PLCB1: variants seen among roughly 807,000 people sequenced by gnomAD.
PLCB1 encodes phospholipase C beta 1.
PLCB1 carries 46 observed loss-of-function variants against 161.8 expected under a neutral mutation model. That is an observed-to-expected ratio of 0.28 (90% CI 0.22 to 0.36). PLCB1 has a LOEUF of 0.36. Among genes scored for constraint, PLCB1 ranks in the 10% least tolerant of loss-of-function variants. The probability of loss-of-function intolerance (pLI) is 1.00; values close to 1 mark genes in which losing one functional copy is unlikely to be tolerated. For synonymous variants in PLCB1, 517 were observed against 503.7 expected (o/e 1.03, Z -0.35); for missense variants, 1,016 against 1,472.5 (o/e 0.69, Z 5.07).
intron 2 of PLCB1, among the ~76,000 whole-genome samples, chr20:8,270,537 A>G (rs1371295816): frequency 2.0e-5 from 3 of 152,162 alleles, no homozygotes; most frequent in African/African-American, 7.2e-5. Context: ...TATATGTTAC[A>G]GCATCTTCAG....
chr20:8,441,727 T>G (rs933536947), intron 3 of PLCB1, among the ~76,000 whole-genome samples: 1 of 152,126 alleles, frequency 6.6e-6, no homozygotes, highest in African/African-American at 2.4e-5. Context: ...AAAATTCCTA[T>G]GGGCAGATAG....
At chr20:8,864,687 A>G (rs1224172156) in intron 31 of PLCB1, among the ~76,000 whole-genome samples, 2 of 152,204 alleles carry the variant, frequency 1.3e-5, no homozygotes, top group Non-Finnish European at 2.9e-5. Context: ...ATGATTTGGA[A>G]TTAGGATGGC....
At chr20:8,414,036 T>C (rs1374908348) in intron 3 of PLCB1, among the ~76,000 whole-genome samples, 1 of 152,156 alleles carries the variant, frequency 6.6e-6, no homozygotes, top group Admixed American at 6.5e-5. Flanking sequence ...ACAAGTATTA[T>C]ATTTCTAAGG....
chr20:8,289,413 G>A (rs1983280561), intron 2 of PLCB1, among the ~76,000 whole-genome samples: 1 of 152,062 alleles, frequency 6.6e-6, no homozygotes, highest in South Asian at 2.1e-4. Context: ...GATGCTGCTG[G>A]TCTCCAGACC....
intron 3 of PLCB1, among the ~76,000 whole-genome samples, chr20:8,382,384 G>T (rs1187053571): frequency 6.9e-6 from 1 of 145,326 alleles, no homozygotes; most frequent in Non-Finnish European, 1.5e-5. Context: ...CCGGGTTCAC[G>T]CCATTCTCCT....
intron 3 of PLCB1, among the ~76,000 whole-genome samples, chr20:8,613,593 T>C (rs977708279): frequency 6.6e-6 from 1 of 152,234 alleles, no homozygotes; most frequent in Non-Finnish European, 1.5e-5. Flanking sequence ...AGTCCTCATG[T>C]ATAGATTGAA....
chr20:8,732,787 ATAAT>A (rs1318791355), intron 18 of PLCB1, among the ~76,000 whole-genome samples: 4 of 78,156 alleles, frequency 5.1e-5, no homozygotes, highest in Non-Finnish European at 1.3e-4. Flanking sequence ...AATAATATAA[ATAAT>A]ATATCTAATA....
At chr20:8,498,264 A>AT (rs1408840807) in intron 3 of PLCB1, among the ~76,000 whole-genome samples, 2 of 151,002 alleles carry the variant, frequency 1.3e-5, no homozygotes, top group African/African-American at 2.4e-5. Flanking sequence ...CGCCCGGGTA[A>AT]TTTTTTGTAT....
At chr20:8,308,719 T>C (rs1984251261) in intron 2 of PLCB1, among the ~76,000 whole-genome samples, 1 of 151,364 alleles carries the variant, frequency 6.6e-6, no homozygotes, top group African/African-American at 2.4e-5. Flanking sequence ...CAGAGATCAC[T>C]AGTAAGTGGA....
intron 2 of PLCB1, among the ~76,000 whole-genome samples, chr20:8,260,710 C>A (rs1035792282): frequency 4.6e-5 from 7 of 152,128 alleles, no homozygotes; most frequent in Non-Finnish European, 1.0e-4. Flanking sequence ...ATAGCATGCC[C>A]ATCCAAAGAG....
rs961136352 is a variant in PLCB1, at chr20:8,361,620, A to T, written c.178-9762A>T. 1.9e-4 allele frequency among the ~76,000 whole-genome samples: 29 copies of T among 152,206 alleles called. 1 individual carries two copies. Among genetic ancestry groups the T allele is most frequent in the Admixed American group, 1.9e-3 (29 of 15,278 alleles). On this transcript the variant is annotated intron_variant, in intron 2 of 31. Transcript: ENST00000338037. ...ACCACTGGTGTGGAGAAATGAAGGC[A>T]TTTAAGTCCTATAAGCAGATAAGTG...
chr20:8,345,697 T>A (rs1304609899), intron 2 of PLCB1, among the ~76,000 whole-genome samples: 1 of 152,064 alleles, frequency 6.6e-6, no homozygotes, highest in Non-Finnish European at 1.5e-5. Context: ...AAGGGCAAGG[T>A]GGAGGCAATG....
chr20:8,217,019 C>T (rs1979171745), intron 2 of PLCB1, among the ~76,000 whole-genome samples: 1 of 152,128 alleles, frequency 6.6e-6, no homozygotes, highest in Non-Finnish European at 1.5e-5. Context: ...CTTTGTCACT[C>T]ACCTTCTCTA....
chr20:8,758,428 A>G (rs965978541), intron 24 of PLCB1, among the ~76,000 whole-genome samples: 3 of 151,932 alleles, frequency 2.0e-5, no homozygotes, highest in Non-Finnish European at 4.4e-5. Flanking sequence ...CTAAAAATAC[A>G]TAAGTTAGCC....
chr20:8,287,207 C>A (rs1183299131), intron 2 of PLCB1, among the ~76,000 whole-genome samples: 1 of 151,896 alleles, frequency 6.6e-6, no homozygotes, highest in Admixed American at 6.6e-5. Context: ...TATAAGTAAA[C>A]TTAGTCCATA....
intron 3 of PLCB1, among the ~76,000 whole-genome samples, chr20:8,548,185 GCTTT>G (rs1471513543): frequency 7.1e-6 from 1 of 140,648 alleles, no homozygotes; most frequent in African/African-American, 2.7e-5. Context: ...CTCACCATTA[GCTTT>G]CTTTCTTCCC....
chr20:8,331,846 A>C (rs1466165142), intron 2 of PLCB1, among the ~76,000 whole-genome samples: 1 of 152,208 alleles, frequency 6.6e-6, no homozygotes, highest in Non-Finnish European at 1.5e-5. Context: ...CATATGGCTT[A>C]ATATCACTTC....
chr20:8,863,296 A>G (rs1398684021), intron 31 of PLCB1, among the ~76,000 whole-genome samples: 1 of 152,240 alleles, frequency 6.6e-6, no homozygotes. Flanking sequence ...TCTGACAATA[A>G]TCAAGTATGT....
intron 3 of PLCB1, among the ~76,000 whole-genome samples, chr20:8,482,862 A>G (rs1472212466): frequency 2.6e-5 from 4 of 151,950 alleles, no homozygotes; most frequent in South Asian, 2.1e-4. Context: ...TGGCAAAGAG[A>G]TATTTGGCAA....
Sources: allele counts gnomAD v4.1 joint callset (sites outside exome capture counted in the v4.1 genomes callset), GRCh38; gene constraint gnomAD v4.1.1; transcripts MANE v1.5; gene names NCBI Gene and HGNC (gene_info 2026-07-23, HGNC 2026-07-21).